Variants in KLRD1 observed in about 807,000 individuals in gnomAD.
KLRD1 encodes natural killer cells antigen CD94.
KLRD1 carries 21 observed loss-of-function variants against 22.6 expected under a neutral mutation model. The observed-to-expected ratio is 0.93, with a 90% confidence interval of 0.66 to 1.34. KLRD1 has a LOEUF of 1.34. KLRD1 is among the 40% of genes most tolerant of loss of function. The probability of loss-of-function intolerance (pLI) is 0.00; values close to 1 mark genes in which losing one functional copy is unlikely to be tolerated. For missense variants in KLRD1, 183 were observed against 208.6 expected, an observed-to-expected ratio of 0.88 and a Z score of 0.76; for synonymous variants, 59 against 71.1, an observed-to-expected ratio of 0.83 and a Z score of 0.85.
intron 1 of KLRD1, among the ~76,000 whole-genome samples, chr12:10,281,046 T>C (rs1302251613): frequency 1.3e-5 from 2 of 152,202 alleles, no homozygotes; most frequent in African/African-American, 4.8e-5. Flanking sequence ...GGGCGAGAGA[T>C]ACTTAGGAGA....
rs1555099484 is a variant in KLRD1 at position 10,243,631 on chromosome 12, A to AAG, written c.-101+17399_-101+17400insGA. Among the ~76,000 whole-genome samples, 9 of 118,782 alleles carry AAG rather than the reference A, an allele frequency of 7.6e-5. No individual in the cohort carries two copies. The East Asian group carries it at 9.9e-4, about 13-fold the overall frequency. The allele number at this position is 118,782 out of a possible 152,430, so 77.9% of individuals were successfully genotyped here. On this transcript the variant is annotated intron_variant, in intron 1 of 5. Transcript: ENST00000544747. The stretch of plus-strand genomic sequence containing the variant: ...CCAAAAAAAAAAAAAAAAAAAAAAA[A>AAG]AACCGAAATGAAAGATATGGAACAA...
intron 1 of KLRD1, among the ~76,000 whole-genome samples, chr12:10,287,759 A>T (rs73053368): frequency 0.026 from 3,930 of 152,246 alleles, 150 homozygotes; most frequent in East Asian, 0.15. Flanking sequence ...CTGTCTAAAT[A>T]CGGATTTTTA....
chr12:10,291,461 A>C (rs1949769516), intron 1 of KLRD1, among the ~76,000 whole-genome samples: 1 of 152,102 alleles, frequency 6.6e-6, no homozygotes, highest in Admixed American at 6.6e-5. Flanking sequence ...CATTTTTTGT[A>C]ATATTCTAAA....
At position 10,313,505 on chromosome 12, in the gene KLRD1, C is replaced by T; in HGVS notation, c.411C>T (p.Ser137=). The change falls in exon 5 of 6, where the codon TCC becomes TCT. Residue 137 remains serine, a synonymous_variant. Coordinates refer to ENST00000336164, the MANE Select transcript of KLRD1 (RefSeq NM_002262.5). ...AWLWENGSAL[S]QYLFPSFETF... is the part of the protein sequence containing the mutation. ...TGTGGGAGAATGGCTCTGCACTCTC[C>T]CAGTATCTGTAAGTTTCTGGCAATC... is the stretch of plus-strand genomic sequence containing the variant. The T allele has an allele frequency of 6.4e-7, 1 of 1,568,470 alleles. No individual in the cohort carries two copies.
chr12:10,312,051 C>CT (rs71049085), intron 4 of KLRD1, among the ~76,000 whole-genome samples: 2,525 of 123,150 alleles, frequency 0.021, 32 homozygotes, highest in Non-Finnish European at 0.028. Flanking sequence ...CTTTTCTTTT[C>CT]TTTTTTTTTT....
intron 1 of KLRD1, among the ~76,000 whole-genome samples, chr12:10,289,571 T>C (rs574123951): frequency 6.6e-6 from 1 of 152,232 alleles, no homozygotes; most frequent in Non-Finnish European, 1.5e-5. Context: ...GATTTACTTA[T>C]ATGCATAACT....
In KLRD1 at chr12:10,309,481, G is replaced by GT. The variant is rs1950004220; in HGVS notation, c.100+2dup. 6.8e-7 allele frequency: 1 copy of GT among 1,462,638 alleles called. No individual in the cohort carries two copies. Among genetic ancestry groups the GT allele is most frequent in the South Asian group, 1.1e-5 (1 of 87,846 alleles). The allele number at this position is 1,462,638 out of a possible 1,614,324, so 90.6% of individuals were successfully genotyped here. On this transcript the variant is annotated splice_donor_variant, in intron 2 of 5. Coordinates refer to ENST00000336164, the MANE Select transcript of KLRD1 (RefSeq NM_002262.5). LOFTEE classifies it high-confidence loss of function. ...ACGTTGGGAATTTTGTTGAAAAATT[G>GT]TAAGTTTTTCTAAGCAAGTCTCCAT...
intron 1 of KLRD1, among the ~76,000 whole-genome samples, chr12:10,296,495 G>A (rs938648227): frequency 7.9e-5 from 12 of 151,850 alleles, no homozygotes; most frequent in African/African-American, 2.4e-4. Flanking sequence ...CAGCCTGGGC[G>A]ACACAGCGAG....
At chr12:10,307,191 T>C (rs1949945533), upstream of KLRD1, among the ~76,000 whole-genome samples, 1 of 152,112 alleles carries the variant, frequency 6.6e-6, no homozygotes, top group Non-Finnish European at 1.5e-5. Context: ...CTGAATTAGA[T>C]AACACACTAA....
intron 1 of KLRD1, among the ~76,000 whole-genome samples, chr12:10,264,860 A>G (rs12298271): frequency 0.09 from 13,631 of 152,004 alleles, 2,062 homozygotes; most frequent in African/African-American, 0.31. Context: ...CATTTCTTCT[A>G]CTGCCTAGAC....
intron 1 of KLRD1, among the ~76,000 whole-genome samples, chr12:10,255,100 C>CG (rs1264893208): frequency 1.5e-5 from 2 of 132,232 alleles, no homozygotes; most frequent in East Asian, 2.8e-4. Flanking sequence ...ATAATAGATG[C>CG]TGGTGAGGAT....
intron 1 of KLRD1, among the ~76,000 whole-genome samples, chr12:10,245,508 CTG>C (rs1185755794): frequency 1.3e-5 from 2 of 152,246 alleles, no homozygotes; most frequent in East Asian, 3.9e-4. Flanking sequence ...ACATGAAAAT[CTG>C]TTTTATTTTT....
At chr12:10,293,213 AT>A (rs1189396226) in intron 1 of KLRD1, among the ~76,000 whole-genome samples, 1 of 61,078 alleles carries the variant, frequency 1.6e-5, no homozygotes, top group Non-Finnish European at 3.5e-5. Flanking sequence ...AGCAATTTTG[AT>A]TTTCTTCAAG....
At chr12:10,245,595 TATTG>T (rs1949283323) in intron 1 of KLRD1, among the ~76,000 whole-genome samples, 2 of 152,310 alleles carry the variant, frequency 1.3e-5, no homozygotes, top group Non-Finnish European at 2.9e-5. Flanking sequence ...TACTATTGTA[TATTG>T]ATTATTTAAT....
chr12:10,253,136 CT>C (rs1467932858), intron 1 of KLRD1, among the ~76,000 whole-genome samples: 1 of 151,916 alleles, frequency 6.6e-6, no homozygotes, highest in African/African-American at 2.4e-5. Flanking sequence ...GGTTCGTGGA[CT>C]TTCTAGATCT....
intron 5 of KLRD1, 64 bp from the exon 6 acceptor site, chr12:10,314,609 G>T: frequency 2.1e-6 from 3 of 1,409,416 alleles, no homozygotes; most frequent in South Asian, 1.5e-5. Context: ...TCATTTAATT[G>T]AAAAATGCCC....
chr12:10,268,544 A>G (rs150356580), intron 1 of KLRD1, among the ~76,000 whole-genome samples: 2 of 152,240 alleles, frequency 1.3e-5, no homozygotes, highest in East Asian at 3.9e-4. Flanking sequence ...TGTTCTTTTT[A>G]TTTTGATTGT....
chr12:10,324,234 T>A lies in KLRD1; in HGVS notation c.*9441T>A, dbSNP rs1185867644. On this transcript the variant is annotated 3_prime_UTR_variant, in exon 6 of 6. Coordinates refer to ENST00000336164, the MANE Select transcript of KLRD1 (RefSeq NM_002262.5). ...TTTCTTGTACCTCAATATGCTTAAT[T>A]TTTTCCTTCTGGCTTTCGTTTTAGG... 1 of 152,204 alleles carries A rather than the reference T, an allele frequency of 6.6e-6. No individual in the cohort carries two copies. The allele number at this position is 152,204 out of a possible 1,614,324, so 9.4% of individuals were successfully genotyped here. A position where few individuals can be genotyped will look rare whatever the true frequency, so the allele number is the denominator to read the frequency against.
upstream of KLRD1, among the ~76,000 whole-genome samples, chr12:10,301,036 C>G (rs1178915792): frequency 6.6e-6 from 1 of 152,180 alleles, no homozygotes. Flanking sequence ...GGTTTGATCT[C>G]TTATGCAGAC....
Sources: gnomAD v4.1 joint callset for allele counts (sites outside exome capture counted in the v4.1 genomes callset) on GRCh38, gnomAD v4.1.1 for gene constraint, MANE v1.5 for transcripts, NCBI Gene and HGNC (gene_info 2026-07-23, HGNC 2026-07-21) for gene names.